Variants in ITGAD observed in about 807,000 individuals in gnomAD.
ITGAD encodes integrin subunit alpha D.
Under a neutral mutation model 139.0 loss-of-function variants are expected in ITGAD, and 105 were observed. The observed-to-expected ratio is 0.76, with a 90% CI of 0.65 to 0.89. ITGAD has a LOEUF of 0.89. Ranked by LOEUF, ITGAD falls within the 40% of genes least tolerant of loss-of-function variation. The pLI, the probability that ITGAD is intolerant of heterozygous loss-of-function variation, is 0.00. For missense variants in ITGAD, 1,384 were observed against 1,487.3 expected (o/e 0.93, Z 1.14); for synonymous variants, 569 against 598.3 (o/e 0.95, Z 0.71).
At chr16:31,400,165 A>G (rs543204431) in intron 5 of ITGAD, among the ~76,000 whole-genome samples, 9 of 152,268 alleles carry the variant, frequency 5.9e-5, no homozygotes, top group Admixed American at 2.0e-4. Context: ...GGCTGCCCAG[A>G]TGTGGGCAAA....
intron 26 of ITGAD, 72 bp downstream of exon 26, chr16:31,423,720 CCA>C (rs2082053819): frequency 1.3e-6 from 2 of 1,530,904 alleles, no homozygotes; most frequent in Non-Finnish European, 1.8e-6. Flanking sequence ...TACTGCTAGG[CCA>C]CAGAGTTCCG....
Position 31,403,794 on chromosome 16 carries a change from CG to C in ITGAD, c.704+153del. 1 of 956,302 alleles carries C rather than the reference CG, an allele frequency of 1.0e-6. No homozygotes were observed. The highest frequency in any genetic ancestry group is 1.5e-6 in the Non-Finnish European group (1 of 650,574). The allele number at this position is 956,302 out of a possible 1,614,324, so 59.2% of individuals were successfully genotyped here. A position where few individuals can be genotyped will look rare whatever the true frequency, so the allele number is the denominator to read the frequency against. ...CGGGGCTGCAGGGAGAACCTCCCCC[CG>C]GGGTGCTCCTGGTTGCCTCGCTGCC... On this transcript the variant is annotated intron_variant, in intron 7 of 29. Transcript: ENST00000389202. This position sits in a 1 kb window ranked among gnomAD's most constrained non-coding sequence, Gnocchi z 4.4.
rs202165813 is a variant in ITGAD at position 31,414,580 on chromosome 16, G to T, written c.2126G>T (p.Cys709Phe). ...RRKTLGLGIHCETLKLLLPDC... is the reference protein window; with the variant it reads ...RRKTLGLGIHFETLKLLLPDC... ...AAAACCCTGGGACTGGGGATTCACT[G>T]TGAAACCCTGAAGCTGCTTTTGCCA... The change falls in exon 17 of 30, where the codon TGT (cysteine) becomes TTT (phenylalanine). Residue 709 changes from cysteine to phenylalanine, a missense_variant. Cys to Phe is a radical substitution (Grantham distance 205, BLOSUM62 -2). Coordinates refer to ENST00000389202, the MANE Select transcript of ITGAD (RefSeq NM_005353.3). 6 of 1,614,156 alleles carry T rather than the reference G, an allele frequency of 3.7e-6. No homozygotes were observed. The African/African-American group carries it at 6.7e-5, about 18-fold the overall frequency.
At position 31,410,437 on chromosome 16, in the gene ITGAD, G is replaced by A; in HGVS notation, c.1126G>A (p.Gly376Arg). The A allele has an allele frequency of 6.2e-7, 1 of 1,614,030 alleles. No homozygotes were observed. The highest frequency in any genetic ancestry group is 8.5e-7 in the Non-Finnish European group (1 of 1,179,982). ...LGAVGSFSWS[G>R]GAFLYPPNMS... ...GGCTGTGGGGAGCTTTAGCTGGTCT[G>A]GAGGTGCCTTCCTGTATCCCCCAAA... is the stretch of plus-strand genomic sequence containing the variant. Residue 376 changes from glycine (G) to arginine (R), a missense_variant, in exon 11 of 30, where the codon GGA becomes AGA. By Grantham distance (125) the Gly-to-Arg change is moderately radical. Coordinates refer to ENST00000389202, the MANE Select transcript of ITGAD (RefSeq NM_005353.3).
In ITGAD at chr16:31,412,168, C is replaced by T. The variant is rs557249437; in HGVS notation, c.1707+651C>T. Among the ~76,000 whole-genome samples the T allele has an allele frequency of 1.2e-4, 18 of 151,838 alleles. No homozygotes were observed. In the East Asian group the frequency reaches 2.1e-3, roughly 18 times the overall value. ...CACTGCAACCTCCCGAGTAGCCTCC[C>T]GAGTAGCTGAGATTATAGGCTTCTG... On this transcript the variant is annotated intron_variant, in intron 14 of 29. Transcript: ENST00000389202.
Position 31,411,169 on chromosome 16 carries a change from G to C in ITGAD, c.1450G>C (p.Glu484Gln). The change falls in exon 13 of 30, where the codon GAG (glutamate) becomes CAG (glutamine). Residue 484 changes from glutamate to glutamine, a missense_variant. Coordinates refer to ENST00000389202, the MANE Select transcript of ITGAD (RefSeq NM_005353.3). ...CCTCATTGGGGCCCCCCATTACTATGAGCAGACCCGAGGGGGCCAGGTGTC... is the reference window on the plus strand; with the variant it reads ...CCTCATTGGGGCCCCCCATTACTATCAGCAGACCCGAGGGGGCCAGGTGTC... ...LILIGAPHYYEQTRGGQVSVC... is the reference protein window; with the variant it reads ...LILIGAPHYYQQTRGGQVSVC... The C allele has an allele frequency of 6.2e-7, 1 of 1,613,996 alleles. No individual in the cohort carries two copies. Among genetic ancestry groups the C allele is most frequent in the Non-Finnish European group, 8.5e-7 (1 of 1,179,940 alleles).
chr16:31,401,388 G>A (rs2081400499), intron 5 of ITGAD, among the ~76,000 whole-genome samples: 1 of 152,228 alleles, frequency 6.6e-6, no homozygotes, highest in South Asian at 2.1e-4. Context: ...TGTCCCAGTG[G>A]GCAACAGTTC....
At position 31,397,576 on chromosome 16, in the gene ITGAD, C is replaced by T. The variant is rs766915137; in HGVS notation, c.242-20C>T. 16 of 1,606,320 alleles carry T rather than the reference C, an allele frequency of 1.0e-5. No individual in the cohort carries two copies. The highest frequency in any genetic ancestry group is 1.7e-5 in the Admixed American group (1 of 59,824). ...ATGAGTGTGTGCTGTGAGTGAGACC[C>T]CGCGTGTCTGCCCTTGCAGTCCGCC... On this transcript the variant is annotated intron_variant, in intron 3 of 29. Coordinates refer to ENST00000389202, the MANE Select transcript of ITGAD (RefSeq NM_005353.3).
chr16:31,414,491 C>A lies in ITGAD; in HGVS notation c.2037C>A (p.Asp679Glu), dbSNP rs2081829935. ...CTGTCAGGTTTGATCTGGCACTGGA[C>A]CCAGGTCGTCTGACTTCTCGTGCCA... ...QSSVRFDLAL[D>E]PGRLTSRAIF... The change falls in exon 17 of 30, where the codon GAC (aspartate) becomes GAA (glutamate). Residue 679 changes from aspartate to glutamate, a missense_variant. Asp to Glu is a conservative substitution (Grantham distance 45). Coordinates refer to ENST00000389202, the MANE Select transcript of ITGAD (RefSeq NM_005353.3). 1 of 1,614,194 alleles carries A rather than the reference C, an allele frequency of 6.2e-7. No individual in the cohort carries two copies. The highest frequency in any genetic ancestry group is 8.5e-7 in the Non-Finnish European group (1 of 1,180,014).
At chr16:31,422,105 A>ATTT (rs537741434) in intron 23 of ITGAD, among the ~76,000 whole-genome samples, 28 of 137,526 alleles carry the variant, frequency 2.0e-4, no homozygotes, top group African/African-American at 7.2e-4. Context: ...TAATGTTTGT[A>ATTT]TTTTTTTTTT....
At chr16:31,411,854 G>T (rs1200033796) in intron 14 of ITGAD, among the ~76,000 whole-genome samples, 1 of 152,178 alleles carries the variant, frequency 6.6e-6, no homozygotes, top group Non-Finnish European at 1.5e-5. Context: ...AACTCCTTAG[G>T]CCTCTTGTAG....
intron 5 of ITGAD, 30 bp downstream of exon 5, chr16:31,397,939 T>C: frequency 6.5e-7 from 1 of 1,539,632 alleles, no homozygotes; most frequent in East Asian, 2.3e-5. Context: ...TGGTTCCCTG[T>C]GGAGCACATG....
Position 31,418,178 on chromosome 16 carries a change from A to G in ITGAD, c.2603A>G (p.His868Arg). ...TGCAGTGTCAACCACCCCATCTTCC[A>G]TGAGGGCTCTAACGTCAGTGCTTCT... ...SRCSVNHPIF[H>R]EGSNGTFIVT... The change falls in exon 21 of 30, where the codon CAT (histidine) becomes CGT (arginine). Residue 868 changes from histidine (H) to arginine (R), a missense_variant. Transcript: ENST00000389202. 1 of 1,613,872 alleles carries G rather than the reference A, an allele frequency of 6.2e-7. No homozygotes were observed. The highest frequency in any genetic ancestry group is 8.5e-7 in the Non-Finnish European group (1 of 1,179,852).
At chr16:31,423,534 G>A (rs2082048523) in intron 25 of ITGAD, 37 bp from the exon 26 acceptor site, 2 of 1,606,192 alleles carry the variant, frequency 1.2e-6, no homozygotes, top group Non-Finnish European at 1.7e-6. Flanking sequence ...GGGACATGTT[G>A]CTCATTCTGT....
At chr16:31,414,398 A>G in intron 16 of ITGAD, 53 bp from the exon 17 acceptor site, 1 of 1,584,948 alleles carries the variant, frequency 6.3e-7, no homozygotes, top group Non-Finnish European at 8.6e-7. Flanking sequence ...ATGAAAACAG[A>G]GCATTCTAGG....
chr16:31,395,530 G>A (rs1184934706), intron 2 of ITGAD, among the ~76,000 whole-genome samples: 3 of 152,154 alleles, frequency 2.0e-5, no homozygotes, highest in African/African-American at 4.8e-5. Context: ...GGAGTACCCC[G>A]AGGGAGTGGG....
chr16:31,418,712 C>T (rs1247878245), intron 23 of ITGAD, 148 bp downstream of exon 23: 3 of 679,344 alleles, frequency 4.4e-6, no homozygotes, highest in Non-Finnish European at 5.3e-6. Context: ...TATATAATGA[C>T]ATTTATGCTG....
chr16:31,418,217 T>C (rs2142821569), intron 21 of ITGAD, 26 bp downstream of exon 21: 1 of 1,606,142 alleles, frequency 6.2e-7, no homozygotes, highest in South Asian at 1.1e-5. Context: ...TAAATCCCCA[T>C]CACTGTCCTC....
At chr16:31,413,400 C>T (rs2081791518) in intron 16 of ITGAD, among the ~76,000 whole-genome samples, 154 bp downstream of exon 16, 1 of 152,140 alleles carries the variant, frequency 6.6e-6, no homozygotes, top group Non-Finnish European at 1.5e-5. Flanking sequence ...CCCTCTTCCT[C>T]ACACCTGGGC....
Sources: allele counts gnomAD v4.1 joint callset (sites outside exome capture counted in the v4.1 genomes callset), GRCh38; gene constraint gnomAD v4.1.1; non-coding constraint Gnocchi (gnomAD v3.1); transcripts MANE v1.5; gene names NCBI Gene and HGNC (gene_info 2026-07-23, HGNC 2026-07-21).